SLIT2: variants seen among roughly 807,000 people sequenced by gnomAD.
SLIT2 encodes the protein slit homolog 2 protein.
In SLIT2, 41 loss-of-function variants were observed where a neutral mutation model predicts 185.7. The ratio of observed to expected loss-of-function variants is 0.22; its 90% CI spans 0.17 to 0.29. The LOEUF is 0.29. Among genes scored for constraint, SLIT2 ranks in the 10% least tolerant of loss-of-function variants. The pLI is 1.00. For synonymous variants in SLIT2, 693 were observed against 680.2 expected (o/e 1.02, Z -0.29); for missense variants, 1,571 against 1,909.0 (o/e 0.82, Z 3.30).
intron 6 of SLIT2, among the ~76,000 whole-genome samples, chr4:20,485,329 A>T (rs1717110527): frequency 6.6e-6 from 1 of 152,132 alleles, no homozygotes; most frequent in Non-Finnish European, 1.5e-5. Flanking sequence ...TATTTTTATA[A>T]TACTCCATGT....
chr4:20,464,025 G>A (rs1368600539), intron 4 of SLIT2, among the ~76,000 whole-genome samples: 2 of 151,746 alleles, frequency 1.3e-5, no homozygotes, highest in African/African-American at 2.4e-5. Context: ...ATCTTTACTT[G>A]CAGTCTGTTT....
intron 34 of SLIT2, chr4:20,615,029 G>C (rs774406620): frequency 6.6e-6 from 1 of 152,126 alleles, no homozygotes. Context: ...TTGCCAATCT[G>C]TATTTATTCT....
chr4:20,256,532 A>C, intron 1 of SLIT2, 140 bp from the exon 2 acceptor site: 3 of 505,810 alleles, frequency 5.9e-6, no homozygotes. Context: ...TTTAAAGGTT[A>C]TCCTCTTCTC....
At chr4:20,533,264 T>C (rs1174951308) in intron 17 of SLIT2, 1 of 226,754 alleles carries the variant, frequency 4.4e-6, no homozygotes, top group Non-Finnish European at 8.5e-6. Context: ...AGTTTCTTGT[T>C]AGGTTTTATA....
chr4:20,526,417 A>C (rs1384182062), intron 15 of SLIT2, among the ~76,000 whole-genome samples: 2 of 152,178 alleles, frequency 1.3e-5, no homozygotes, highest in African/African-American at 4.8e-5. Context: ...AGTGGAAAGT[A>C]ATCTGATAGC....
intron 21 of SLIT2, 72 bp from the exon 22 acceptor site, chr4:20,545,959 A>G (rs1001607246): frequency 5.7e-5 from 46 of 801,128 alleles, no homozygotes; most frequent in Middle Eastern, 5.2e-4. Flanking sequence ...TTAAGAGTGA[A>G]GTACTGTTTA....
Position 20,418,184 on chromosome 4 carries a change from A to C in SLIT2, c.396-49568A>C, listed in dbSNP as rs566128774. The stretch of plus-strand genomic sequence containing the variant: ...ACAAATAAAAATTTTAAAACCGCTT[A>C]TCTGACAGGATCACGCTTTTTTCAC... On this transcript the variant is annotated intron_variant, in intron 4 of 36. Transcript: ENST00000504154. Among the ~76,000 whole-genome samples the C allele has an allele frequency of 5.2e-4, 79 of 152,320 alleles. No individual in the cohort carries two copies. The South Asian group carries it at 0.014, about 28-fold the overall frequency.
At chr4:20,295,428 C>A (rs1180147846) in intron 4 of SLIT2, among the ~76,000 whole-genome samples, 1 of 152,132 alleles carries the variant, frequency 6.6e-6, no homozygotes, top group Non-Finnish European at 1.5e-5. Context: ...ACAAAGTCGA[C>A]TTATGCTAAC....
chr4:20,427,694 T>G (rs949856268), intron 4 of SLIT2, among the ~76,000 whole-genome samples: 1 of 150,944 alleles, frequency 6.6e-6, no homozygotes, highest in African/African-American at 2.5e-5. Context: ...TTTTGAAACC[T>G]TTCTAACAAT....
intron 11 of SLIT2, among the ~76,000 whole-genome samples, chr4:20,512,961 T>C (rs1042649671): frequency 6.6e-6 from 1 of 152,224 alleles, no homozygotes; most frequent in African/African-American, 2.4e-5. Context: ...TTGTTACTTC[T>C]TTCAATAAAT....
chr4:20,611,910 C>T (rs1729251766), intron 34 of SLIT2, among the ~76,000 whole-genome samples: 1 of 152,142 alleles, frequency 6.6e-6, no homozygotes, highest in Non-Finnish European at 1.5e-5. Context: ...CCAAAGCCAC[C>T]TGCATTGCCA....
At chr4:20,499,242 T>C (rs1033581132) in intron 9 of SLIT2, among the ~76,000 whole-genome samples, 1 of 152,226 alleles carries the variant, frequency 6.6e-6, no homozygotes, top group Admixed American at 6.5e-5. Context: ...TTATTTTTTC[T>C]TGTTGAGTTG....
At chr4:20,344,048 A>G (rs1391325745) in intron 4 of SLIT2, among the ~76,000 whole-genome samples, 1 of 152,006 alleles carries the variant, frequency 6.6e-6, no homozygotes, top group East Asian at 1.9e-4. Flanking sequence ...ATGAGGTTTC[A>G]CCATGTTGGC....
intron 21 of SLIT2, 40 bp downstream of exon 21, chr4:20,542,666 G>A: frequency 6.2e-7 from 1 of 1,603,898 alleles, no homozygotes; most frequent in East Asian, 2.2e-5. Flanking sequence ...CTTTTTCCTT[G>A]ATGATAAATG....
intron 1 of SLIT2, 126 bp from the exon 2 acceptor site, chr4:20,256,546 C>A (rs543491811): frequency 5.5e-5 from 30 of 548,940 alleles, no homozygotes; most frequent in East Asian, 6.2e-5. Context: ...TCTTCTCCTT[C>A]CTACATACTT....
chr4:20,461,803 G>T (rs765800325), intron 4 of SLIT2, among the ~76,000 whole-genome samples: 45 of 152,186 alleles, frequency 3.0e-4, no homozygotes, highest in Non-Finnish European at 8.8e-5. Context: ...TCAGGAAGAT[G>T]TGTTTTGATA....
At chr4:20,255,127 G>A (rs1199975522) in intron 1 of SLIT2, 16 of 446,268 alleles carry the variant, frequency 3.6e-5, no homozygotes, top group Non-Finnish European at 1.3e-5. Flanking sequence ...CGAAGGGCGC[G>A]GGGCTAGGCC....
rs1714769980 is a variant in SLIT2, at chr4:20,469,794, C to A, written c.467+1971C>A. Among the ~76,000 whole-genome samples the A allele has an allele frequency of 2.4e-5, 3 of 126,114 alleles. No homozygotes were observed. In the Admixed American group the frequency reaches 3.0e-4, roughly 13 times the overall value. 82.7% of individuals were successfully genotyped at this position (126,114 alleles called of 152,430 possible). A position where few individuals can be genotyped will look rare whatever the true frequency, so the allele number is the denominator to read the frequency against. On this transcript the variant is annotated intron_variant, in intron 5 of 36. Transcript: ENST00000504154. Reference sequence around the variant, plus strand: ...TTTTTGAGATGGTGTCTCGCTCTCTCACCCAGGCTGGAGTGCAGTGGTACA... The same window carrying A: ...TTTTTGAGATGGTGTCTCGCTCTCTAACCCAGGCTGGAGTGCAGTGGTACA...
chr4:20,526,929 CACTTAG>C (rs1298293056), intron 15 of SLIT2, among the ~76,000 whole-genome samples: 1 of 152,200 alleles, frequency 6.6e-6, no homozygotes, highest in Non-Finnish European at 1.5e-5. Flanking sequence ...GTGTACCTGT[CACTTAG>C]ACTTTGTGCA....
Sources: allele counts gnomAD v4.1 joint callset (sites outside exome capture counted in the v4.1 genomes callset), GRCh38; gene constraint gnomAD v4.1.1; transcripts MANE v1.5; gene names NCBI Gene and HGNC (gene_info 2026-07-23, HGNC 2026-07-21).